Variants in CYP4X1 observed in about 807,000 individuals in gnomAD.
CYP4X1 encodes cytochrome P450 4X1.
Under a neutral mutation model 57.9 loss-of-function variants are expected in CYP4X1, and 44 were observed. The ratio of observed to expected loss-of-function variants is 0.76; its 90% CI spans 0.60 to 0.98. CYP4X1 has a LOEUF of 0.98. CYP4X1 is among the 50% of genes least tolerant of loss of function. The pLI is 0.00. For missense variants in CYP4X1, 532 were observed against 623.9 expected (o/e 0.85, Z 1.57); for synonymous variants, 227 against 228.6 (o/e 0.99, Z 0.06).
At chr1:46,989,464 G>T in the CYP4X1 span, among the ~76,000 whole-genome samples, 1 of 152,296 alleles carries the variant, frequency 6.6e-6, no homozygotes, top group African/African-American at 2.4e-5. Flanking sequence ...TCATGAAAAT[G>T]GACATACTGC....
the CYP4X1 span, among the ~76,000 whole-genome samples, chr1:46,982,431 A>G: frequency 6.6e-6 from 1 of 152,204 alleles, no homozygotes; most frequent in Non-Finnish European, 1.5e-5. Flanking sequence ...ATTTGGATGT[A>G]GCGAGACACT....
chr1:47,016,806 C>A, the CYP4X1 span, among the ~76,000 whole-genome samples: 1 of 151,970 alleles, frequency 6.6e-6, no homozygotes, highest in Non-Finnish European at 1.5e-5. Flanking sequence ...CTACAATCAC[C>A]CTGTTATGCT....
At chr1:46,961,790 C>G in the CYP4X1 span, 1 of 1,297,018 alleles carries the variant, frequency 7.7e-7, no homozygotes, top group Non-Finnish European at 1.0e-6. Context: ...GCCTTGCCCA[C>G]CCCAGACCCT....
chr1:46,965,282 C>T, the CYP4X1 span, among the ~76,000 whole-genome samples: 4 of 152,186 alleles, frequency 2.6e-5, no homozygotes, highest in African/African-American at 7.2e-5. Flanking sequence ...TCTGACAATA[C>T]CCAGTGAGAT....
At chr1:47,020,948 T>A (rs1643989125), upstream of CYP4X1, among the ~76,000 whole-genome samples, 1 of 151,862 alleles carries the variant, frequency 6.6e-6, no homozygotes, top group Admixed American at 6.6e-5. Flanking sequence ...TCATTTCTTG[T>A]CTCTTGTGTC....
At chr1:47,019,311 A>G (rs920036075), upstream of CYP4X1, among the ~76,000 whole-genome samples, 6 of 152,156 alleles carry the variant, frequency 3.9e-5, no homozygotes, top group South Asian at 2.1e-4. Flanking sequence ...CAGACCCCCA[A>G]TAAACTTGTT....
rs964059939 is a variant in CYP4X1, at chr1:47,035,870, C to T, written c.557C>T (p.Ser186Leu). 3 of 1,613,452 alleles carry T rather than the reference C, an allele frequency of 1.9e-6. No homozygotes were observed. Among genetic ancestry groups the T allele is most frequent in the East Asian group, 2.2e-5 (1 of 44,882 alleles). ...GTGGAGGTCTATGAGCACATCAACT[C>T]GATGTCTCTGGATATAATCATGAAA... ...TSVEVYEHIN[S>L]MSLDIIMKCA... The change falls in exon 5 of 12, where the codon TCG becomes TTG. Residue 186 changes from serine (S) to leucine (L), a missense_variant. Transcript: ENST00000371901.
the CYP4X1 span, among the ~76,000 whole-genome samples, chr1:47,014,009 A>G: frequency 1.3e-5 from 2 of 152,064 alleles, no homozygotes; most frequent in Non-Finnish European, 2.9e-5. Flanking sequence ...TCCTGACCTC[A>G]GGTGATCTGC....
intron 8 of CYP4X1, among the ~76,000 whole-genome samples, chr1:47,040,109 A>G (rs766341652): frequency 6.6e-6 from 1 of 152,160 alleles, no homozygotes; most frequent in African/African-American, 2.4e-5. Context: ...TCGGTGAGCT[A>G]ATGGTCTAAT....
At chr1:47,051,434 TA>T (rs1644359913), downstream of CYP4X1, among the ~76,000 whole-genome samples, 1 of 152,002 alleles carries the variant, frequency 6.6e-6, no homozygotes, top group Admixed American at 6.6e-5. Flanking sequence ...ATCTATGTGG[TA>T]TCTTCCATAA....
intron 2 of CYP4X1, among the ~76,000 whole-genome samples, chr1:47,030,377 C>T (rs1268571262): frequency 2.0e-5 from 3 of 152,154 alleles, no homozygotes; most frequent in Non-Finnish European, 4.4e-5. Context: ...CTGGCATTAC[C>T]AGACTTGCCA....
chr1:46,964,943 C>T, the CYP4X1 span, among the ~76,000 whole-genome samples: 1 of 152,172 alleles, frequency 6.6e-6, no homozygotes, highest in Non-Finnish European at 1.5e-5. Context: ...CAATGGTGGG[C>T]GCTCCTCCCC....
At chr1:46,971,550 G>T in the CYP4X1 span, among the ~76,000 whole-genome samples, 3,519 of 152,224 alleles carry the variant, frequency 0.023, 120 homozygotes, top group African/African-American at 0.08. Context: ...CACCATATAA[G>T]CATTGCCTTT....
chr1:47,022,281 G>GCCTTTTTTTTTTTTTTTTTTTT (rs1185250751), upstream of CYP4X1, among the ~76,000 whole-genome samples: 3 of 128,436 alleles, frequency 2.3e-5, no homozygotes, highest in African/African-American at 6.0e-5. Context: ...CCTGGGGCCT[G>GCCTTTTTTTTTTTTTTTTTTTT]TCTTTTTTTT....
chr1:46,984,401 AC>A, the CYP4X1 span, among the ~76,000 whole-genome samples: 2 of 123,764 alleles, frequency 1.6e-5, no homozygotes, highest in African/African-American at 6.1e-5. Flanking sequence ...AAAAAAAAAA[AC>A]CAGGAGAGGC....
At chr1:47,006,888 C>T in the CYP4X1 span, among the ~76,000 whole-genome samples, 1 of 152,156 alleles carries the variant, frequency 6.6e-6, no homozygotes, top group African/African-American at 2.4e-5. Context: ...GGGGAGGGCA[C>T]CCAAAACTGC....
the CYP4X1 span, among the ~76,000 whole-genome samples, chr1:46,998,089 C>T: frequency 6.6e-6 from 1 of 151,836 alleles, no homozygotes; most frequent in Non-Finnish European, 1.5e-5. Context: ...GGAGCTAATA[C>T]AGTTTTGATT....
chr1:47,013,759 CTT>C, the CYP4X1 span, among the ~76,000 whole-genome samples: 934 of 122,004 alleles, frequency 7.7e-3, 3 homozygotes, highest in African/African-American at 0.026. Flanking sequence ...TCAATATACT[CTT>C]TTTTTTTTTT....
chr1:46,994,754 A>G, the CYP4X1 span, among the ~76,000 whole-genome samples: 2 of 152,330 alleles, frequency 1.3e-5, no homozygotes, highest in Middle Eastern at 6.8e-3. Flanking sequence ...TCCCCTGTCC[A>G]TATCACTCAA....
Sources: allele counts gnomAD v4.1 joint callset (sites outside exome capture counted in the v4.1 genomes callset), GRCh38; gene constraint gnomAD v4.1.1; transcripts MANE v1.5; gene names NCBI Gene and HGNC (gene_info 2026-07-23, HGNC 2026-07-21).